CCBE1: variants seen among roughly 807,000 people sequenced by gnomAD.
CCBE1 encodes the protein collagen and calcium binding EGF domains 1.
Under a neutral mutation model 50.0 loss-of-function variants are expected in CCBE1, and 37 were observed. The observed-to-expected ratio is 0.74, with a 90% confidence interval of 0.57 to 0.97. CCBE1 has a LOEUF of 0.97. CCBE1 is among the 50% of genes least tolerant of loss of function. The pLI is 0.00. For synonymous variants in CCBE1, 234 were observed against 203.7 expected (o/e 1.15, Z -1.27); for missense variants, 538 against 523.8 (o/e 1.03, Z -0.26).
intron 2 of CCBE1, among the ~76,000 whole-genome samples, chr18:59,581,404 G>GCACT (rs2053082058): frequency 6.7e-6 from 1 of 148,576 alleles, no homozygotes; most frequent in Admixed American, 6.7e-5. Context: ...TCACGCCACT[G>GCACT]CACTCCAGCC....
chr18:59,465,747 C>T (rs1051535491), intron 5 of CCBE1: 1 of 152,170 alleles, frequency 6.6e-6, no homozygotes, highest in African/African-American at 2.4e-5. Flanking sequence ...AGCATGGATA[C>T]AGATTGTTTA....
chr18:59,680,931 C>A (rs1262980175), intron 2 of CCBE1, among the ~76,000 whole-genome samples: 1 of 151,450 alleles, frequency 6.6e-6, no homozygotes, highest in Non-Finnish European at 1.5e-5. Flanking sequence ...CAAGTGATAC[C>A]TTTTTATTAA....
At chr18:59,636,114 A>G (rs2144635888) in intron 2 of CCBE1, among the ~76,000 whole-genome samples, 1 of 152,140 alleles carries the variant, frequency 6.6e-6, no homozygotes, top group Non-Finnish European at 1.5e-5. Flanking sequence ...GATCATGCCA[A>G]CACACTCCAG....
Position 59,651,217 on chromosome 18 carries a change from G to A in CCBE1, c.212+45412C>T, listed in dbSNP as rs556858841. ...TTACAATGTGTTCCAGGGAAAATAC[G>A]TTCTACTTACTTAGGAAGTGTTCCT... On this transcript the variant is annotated intron_variant, in intron 2 of 10. Coordinates refer to ENST00000439986, the MANE Select transcript of CCBE1 (RefSeq NM_133459.4). 4.5e-4 allele frequency among the ~76,000 whole-genome samples: 69 copies of A among 152,312 alleles called. 2 individuals carry two copies. The South Asian group carries it at 0.013, about 30-fold the overall frequency.
At chr18:59,644,308 T>G (rs527362239) in intron 2 of CCBE1, among the ~76,000 whole-genome samples, 16 of 152,266 alleles carry the variant, frequency 1.1e-4, no homozygotes, top group Admixed American at 9.8e-4. Flanking sequence ...CCAGTACCAG[T>G]CTGCAGCCCA....
chr18:59,570,369 G>T (rs888306313), intron 2 of CCBE1, among the ~76,000 whole-genome samples: 2 of 152,198 alleles, frequency 1.3e-5, no homozygotes, highest in African/African-American at 4.8e-5. Context: ...CATCTGCTCT[G>T]TGGGGAGGGG....
intron 2 of CCBE1, among the ~76,000 whole-genome samples, chr18:59,609,469 C>A (rs1045205987): frequency 6.6e-6 from 1 of 152,204 alleles, no homozygotes; most frequent in African/African-American, 2.4e-5. Context: ...CATTGCTCAA[C>A]CAGTAGACCA....
intron 2 of CCBE1, among the ~76,000 whole-genome samples, chr18:59,549,399 G>A (rs985585085): frequency 2.6e-5 from 4 of 152,246 alleles, no homozygotes; most frequent in Middle Eastern, 3.4e-3. Flanking sequence ...TGATACAAAT[G>A]AGCACCCCAC....
At position 59,491,836 on chromosome 18, in the gene CCBE1, A is replaced by AAACAAATAAACAAAC. The variant is rs1189019561; in HGVS notation, c.213-11599_213-11598insGTTTGTTTATTTGTT. On this transcript the variant is annotated intron_variant, in intron 2 of 10. Coordinates refer to ENST00000439986, the MANE Select transcript of CCBE1 (RefSeq NM_133459.4). ...TCTCCAAACAAACAAACAAACAAAC[A>AAACAAATAAACAAAC]AAAAAAAACGTTTCATGGTCTATTC... is the stretch of plus-strand genomic sequence containing the variant. Among the ~76,000 whole-genome samples the AAACAAATAAACAAAC allele has an allele frequency of 1.3e-4, 11 of 86,416 alleles. No homozygotes were observed. The East Asian group carries it at 2.2e-3, about 17-fold the overall frequency. The allele number at this position is 86,416 out of a possible 152,430, so 56.7% of individuals were successfully genotyped here. A position where few individuals can be genotyped will look rare whatever the true frequency, so the allele number is the denominator to read the frequency against.
At chr18:59,671,134 G>A (rs1038172949) in intron 2 of CCBE1, among the ~76,000 whole-genome samples, 2 of 152,070 alleles carry the variant, frequency 1.3e-5, no homozygotes, top group Admixed American at 6.6e-5. Flanking sequence ...CTGGGTTTGG[G>A]GAAAGGGAGG....
chr18:59,545,899 AT>A (rs1156441215), intron 2 of CCBE1, among the ~76,000 whole-genome samples: 1 of 152,192 alleles, frequency 6.6e-6, no homozygotes, highest in Non-Finnish European at 1.5e-5. Flanking sequence ...TGTAAGTCCA[AT>A]TAAACCTCTT....
intron 2 of CCBE1, among the ~76,000 whole-genome samples, chr18:59,486,132 T>A (rs1470998936): frequency 2.0e-5 from 3 of 152,162 alleles, no homozygotes; most frequent in Non-Finnish European, 4.4e-5. Flanking sequence ...AGACTCCTCA[T>A]GGACAAAACA....
At chr18:59,542,020 A>G (rs998654087) in intron 2 of CCBE1, among the ~76,000 whole-genome samples, 1 of 151,848 alleles carries the variant, frequency 6.6e-6, no homozygotes, top group Admixed American at 6.6e-5. Context: ...TACAACAAAT[A>G]CAAAAATTAG....
At chr18:59,683,570 C>T (rs146705849) in intron 2 of CCBE1, among the ~76,000 whole-genome samples, 367 of 152,164 alleles carry the variant, frequency 2.4e-3, no homozygotes, top group African/African-American at 8.1e-3. Flanking sequence ...TGGTGGCGCA[C>T]GCCTGTAATC....
At chr18:59,457,212 A>G (rs1193657208) in intron 5 of CCBE1, among the ~76,000 whole-genome samples, 1 of 152,032 alleles carries the variant, frequency 6.6e-6, no homozygotes, top group African/African-American at 2.4e-5. Context: ...TAGCTTCCTC[A>G]CCTGTACTCC....
chr18:59,487,645 C>T (rs1305517501), intron 2 of CCBE1, among the ~76,000 whole-genome samples: 2 of 152,172 alleles, frequency 1.3e-5, no homozygotes, highest in Non-Finnish European at 2.9e-5. Context: ...CAAAACCTGC[C>T]TATTTGTTCA....
intron 7 of CCBE1, among the ~76,000 whole-genome samples, chr18:59,441,490 A>AG (rs1910421500): frequency 6.6e-6 from 1 of 152,014 alleles, no homozygotes; most frequent in Admixed American, 6.6e-5. Context: ...TCTCAAAAAA[A>AG]AAAAAAAAAT....
chr18:59,469,710 CGT>C (rs1453637223), intron 3 of CCBE1, 103 bp from the exon 4 acceptor site: 2 of 1,482,286 alleles, frequency 1.3e-6, no homozygotes, highest in Admixed American at 1.7e-5. Flanking sequence ...CTCAAGGGCA[CGT>C]GTGAAGTGTG....
chr18:59,607,584 A>G (rs2144575250), intron 2 of CCBE1, among the ~76,000 whole-genome samples: 1 of 152,302 alleles, frequency 6.6e-6, no homozygotes, highest in African/African-American at 2.4e-5. Flanking sequence ...TTAGACATTC[A>G]TTCTTCTCTT....
Sources: allele counts gnomAD v4.1 joint callset (sites outside exome capture counted in the v4.1 genomes callset), GRCh38; gene constraint gnomAD v4.1.1; transcripts MANE v1.5; gene names NCBI Gene and HGNC (gene_info 2026-07-23, HGNC 2026-07-21).